Variants in TDRD3 observed in about 807,000 individuals in gnomAD.
The protein encoded by TDRD3 is tudor domain-containing protein 3.
Under a neutral mutation model 86.7 loss-of-function variants are expected in TDRD3, and 45 were observed. The ratio of observed to expected loss-of-function variants is 0.52; its 90% CI spans 0.41 to 0.67. TDRD3 has a LOEUF of 0.67. Ranked by LOEUF, TDRD3 falls within the 30% of genes least tolerant of loss-of-function variation. The probability of loss-of-function intolerance (pLI) is 0.00; values close to 1 mark genes in which losing one functional copy is unlikely to be tolerated. For missense variants in TDRD3, 814 were observed against 889.0 expected (o/e 0.92, Z 1.07); for synonymous variants, 298 against 301.7 (o/e 0.99, Z 0.13).
intron 8 of TDRD3, 72 bp from the exon 9 acceptor site, chr13:60,509,691 G>A (rs996734815): frequency 3.8e-6 from 6 of 1,566,480 alleles, no homozygotes; most frequent in Non-Finnish European, 5.2e-6. Context: ...TTAAAAGACA[G>A]TAAGTAGTTA....
At chr13:60,446,314 C>T (rs775463801) in intron 3 of TDRD3, among the ~76,000 whole-genome samples, 1 of 152,108 alleles carries the variant, frequency 6.6e-6, no homozygotes, top group Non-Finnish European at 1.5e-5. Flanking sequence ...CCTCCACCAC[C>T]TGGGTTCAGT....
At chr13:60,408,551 C>T (rs1198078775) in intron 1 of TDRD3, among the ~76,000 whole-genome samples, 2 of 152,126 alleles carry the variant, frequency 1.3e-5, no homozygotes, top group Non-Finnish European at 2.9e-5. Flanking sequence ...AGATGAGGAA[C>T]TTGTTGGGAA....
At chr13:60,399,996 A>G (rs933627429) in intron 1 of TDRD3, among the ~76,000 whole-genome samples, 5 of 152,252 alleles carry the variant, frequency 3.3e-5, no homozygotes, top group Non-Finnish European at 7.3e-5. Flanking sequence ...TATAACTTCA[A>G]AAGTAGCTAC....
intron 9 of TDRD3, 75 bp downstream of exon 9, chr13:60,509,994 T>A (rs1271740278): frequency 6.6e-7 from 1 of 1,518,504 alleles, no homozygotes; most frequent in East Asian, 2.3e-5. Context: ...ACAGAGGCTG[T>A]TATTTCTGTG....
At chr13:60,498,306 C>T (rs1343611402) in intron 8 of TDRD3, among the ~76,000 whole-genome samples, 3 of 152,178 alleles carry the variant, frequency 2.0e-5, no homozygotes, top group Admixed American at 6.5e-5. Flanking sequence ...ACTGCAGTCA[C>T]TCAACTACAA....
intron 1 of TDRD3, among the ~76,000 whole-genome samples, chr13:60,417,796 C>T (rs1426316622): frequency 6.6e-6 from 1 of 152,156 alleles, no homozygotes; most frequent in Non-Finnish European, 1.5e-5. Flanking sequence ...TTCTCTTCCC[C>T]TCCATCTCCC....
chr13:60,509,525 G>C (rs1011301383), intron 8 of TDRD3: 1 of 443,730 alleles, frequency 2.3e-6, no homozygotes, highest in Non-Finnish European at 4.1e-6. Context: ...TTTATTTTTT[G>C]TGTGTTGCTT....
Position 60,528,149 on chromosome 13 carries a change from A to G in TDRD3, c.1142-218A>G, listed in dbSNP as rs1002364737. ...TCATTTTTCTGTGGTCCCTTTTACT[A>G]CTTTACTTTATTAATGTTGCTGACT... is the stretch of plus-strand genomic sequence containing the variant. On this transcript the variant is annotated intron_variant, in intron 10 of 13. Transcript: ENST00000377881. Among the ~76,000 whole-genome samples, 3 of 152,166 alleles carry G rather than the reference A, an allele frequency of 2.0e-5. No homozygotes were observed. The East Asian group carries it at 5.8e-4, about 29-fold the overall frequency.
At position 60,482,211 on chromosome 13, in the gene TDRD3, C is replaced by G. The variant is rs1216703994; in HGVS notation, c.496-1564C>G. ...GACAGGTTCTTCTTTCTGAAACAGC[C>G]CCACAACTTCCAGTTGCATCAGCCT... On this transcript the variant is annotated intron_variant, in intron 5 of 13. Coordinates refer to ENST00000377881, the MANE Select transcript of TDRD3 (RefSeq NM_001146070.2). 2.0e-5 allele frequency among the ~76,000 whole-genome samples: 3 copies of G among 152,224 alleles called. No individual in the cohort carries two copies. The East Asian group carries it at 5.8e-4, about 29-fold the overall frequency.
At chr13:60,567,929 G>T (rs1440594868) in intron 13 of TDRD3, among the ~76,000 whole-genome samples, 1 of 149,042 alleles carries the variant, frequency 6.7e-6, no homozygotes, top group Non-Finnish European at 1.5e-5. Context: ...TAGCAATGGG[G>T]TTTCACCATG....
At chr13:60,395,692 T>C (rs1953882844), upstream of TDRD3, among the ~76,000 whole-genome samples, 1 of 152,182 alleles carries the variant, frequency 6.6e-6, no homozygotes, top group East Asian at 1.9e-4. Flanking sequence ...TGTAAATAAT[T>C]GGTAACAGAA....
chr13:60,519,136 CCT>C (rs1957234281), intron 10 of TDRD3, among the ~76,000 whole-genome samples: 1 of 151,992 alleles, frequency 6.6e-6, no homozygotes, highest in African/African-American at 2.4e-5. Context: ...AACACATGAG[CCT>C]CTTTTTCATT....
chr13:60,439,371 T>C (rs1955199495), intron 1 of TDRD3, among the ~76,000 whole-genome samples: 1 of 152,168 alleles, frequency 6.6e-6, no homozygotes, highest in South Asian at 2.1e-4. Flanking sequence ...GATACTTAAG[T>C]CGAGATTATA....
At chr13:60,479,684 G>C (rs904175672) in intron 5 of TDRD3, among the ~76,000 whole-genome samples, 1 of 152,134 alleles carries the variant, frequency 6.6e-6, no homozygotes, top group Non-Finnish European at 1.5e-5. Context: ...CTCCAGTGTT[G>C]GGTATATACA....
intron 1 of TDRD3, among the ~76,000 whole-genome samples, chr13:60,428,844 T>A (rs1954879457): frequency 6.6e-6 from 1 of 152,176 alleles, no homozygotes; most frequent in Admixed American, 6.5e-5. Flanking sequence ...TTGAAGAGTC[T>A]GGAGTTTAAG....
rs149669879 is a variant in TDRD3, at chr13:60,509,819, G to A, written c.915G>A (p.Ser305=). 276 of 1,613,850 alleles carry A rather than the reference G, an allele frequency of 1.7e-4. 2 individuals carry two copies. In the African/African-American group the frequency reaches 3.1e-3, roughly 18 times the overall value. ...AAATGGGCTTCAGTAAGGAAGCATC[G>A]AGGCAAGCTCTTATGGATAATGGCA... ...ITEMGFSKEA[S]RQALMDNGNN... Residue 305 remains serine, a synonymous_variant, in exon 9 of 14, where the codon TCG becomes TCA. Transcript: ENST00000377881.
chr13:60,433,249 A>C (rs921363483), intron 1 of TDRD3, among the ~76,000 whole-genome samples: 4 of 152,206 alleles, frequency 2.6e-5, no homozygotes, highest in Admixed American at 2.0e-4. Context: ...ATAAAACTTT[A>C]ATGTTTGCTT....
Position 60,541,936 on chromosome 13 carries a change from A to AT in TDRD3, c.2118+6703_2118+6704insT, listed in dbSNP as rs568124682. 3.9e-3 allele frequency among the ~76,000 whole-genome samples: 589 copies of AT among 151,890 alleles called. 4 individuals carry two copies. Among genetic ancestry groups the AT allele is most frequent in the African/African-American group, 0.014 (569 of 41,456 alleles). ...GAGACAGGGTTTCTCCATGTTGGTC[A>AT]GGCTGGTCTCGAACTCCCGACCTCA... On this transcript the variant is annotated intron_variant, in intron 12 of 13. Coordinates refer to ENST00000377881, the MANE Select transcript of TDRD3 (RefSeq NM_001146070.2).
chr13:60,510,972 C>T (rs1474871093), intron 10 of TDRD3, among the ~76,000 whole-genome samples: 1 of 152,016 alleles, frequency 6.6e-6, no homozygotes, highest in Non-Finnish European at 1.5e-5. Context: ...TTAGTAATCT[C>T]ACCAAACCAG....
Sources: allele counts gnomAD v4.1 joint callset (sites outside exome capture counted in the v4.1 genomes callset), GRCh38; gene constraint gnomAD v4.1.1; transcripts MANE v1.5; gene names NCBI Gene and HGNC (gene_info 2026-07-23, HGNC 2026-07-21).